Variants in EFEMP1 observed in about 807,000 individuals in gnomAD.
The protein encoded by EFEMP1 is EGF-like fibulin extracellular matrix protein 1.
A neutral mutation model predicts 65.7 loss-of-function variants in EFEMP1; 18 were observed. That is an observed-to-expected ratio of 0.27 (90% CI 0.19 to 0.41). The LOEUF (loss-of-function observed/expected upper bound fraction) is 0.41. EFEMP1 is among the 10% of genes least tolerant of loss of function. The pLI is 1.00. For missense variants in EFEMP1, 469 were observed against 624.8 expected, an observed-to-expected ratio of 0.75 and a Z score of 2.66; for synonymous variants, 237 against 219.7, an observed-to-expected ratio of 1.08 and a Z score of -0.70.
intron 5 of EFEMP1, among the ~76,000 whole-genome samples, chr2:55,910,712 C>T (rs962848213): frequency 1.3e-5 from 2 of 152,160 alleles, no homozygotes; most frequent in Admixed American, 6.6e-5. Flanking sequence ...AAAGAATCTC[C>T]TCGTCTTTGA....
At chr2:55,906,411 A>T (rs1321526710) in intron 5 of EFEMP1, among the ~76,000 whole-genome samples, 1 of 151,992 alleles carries the variant, frequency 6.6e-6, no homozygotes, top group Non-Finnish European at 1.5e-5. Flanking sequence ...TTTAGTAGGG[A>T]CGGGGTTTCA....
chr2:55,898,615 G>GTGTAAA (rs1669920199), intron 5 of EFEMP1, among the ~76,000 whole-genome samples: 1 of 152,078 alleles, frequency 6.6e-6, no homozygotes, highest in African/African-American at 2.4e-5. Flanking sequence ...TTAACCATAT[G>GTGTAAA]TGTAAATGTA....
chr2:55,871,016 T>C lies in EFEMP1; in HGVS notation c.1108A>G (p.Ile370Val), dbSNP rs772284064. The C allele has an allele frequency of 2.5e-6, 4 of 1,613,744 alleles. No homozygotes were observed. Among genetic ancestry groups the C allele is most frequent in the South Asian group, 1.1e-5 (1 of 91,080 alleles). The change falls in exon 10 of 12, where the codon ATT (isoleucine) becomes GTT (valine). Residue 370 changes from isoleucine to valine, a missense_variant. Physicochemically the swap from Ile to Val is conservative, Grantham distance 29. This residue lies in a region of EFEMP1 where 399 missense variants were observed against 528.2 expected (regional missense o/e 0.76). Transcript: ENST00000355426. The surrounding 1 kb of genome is among the most constrained non-coding windows in gnomAD (Gnocchi z 4.2). The stretch of plus-strand genomic sequence containing the variant: ...TTTTCTTACTTCTCTGGTGTTAGAA[T>C]GTAGGGATCTTGACAAGGATTTCGT... ...YPRNPCQDPY[I>V]LTPENRCVCP...
chr2:55,882,266 T>G (rs1042466956), intron 5 of EFEMP1, among the ~76,000 whole-genome samples: 2 of 152,232 alleles, frequency 1.3e-5, no homozygotes, highest in African/African-American at 2.4e-5. Flanking sequence ...ACCTTTAATA[T>G]TATACGTTCC....
At chr2:55,908,565 T>C (rs942628563) in intron 5 of EFEMP1, among the ~76,000 whole-genome samples, 1 of 152,128 alleles carries the variant, frequency 6.6e-6, no homozygotes, top group African/African-American at 2.4e-5. Context: ...ATTTCAAAAC[T>C]GCTAAGCAAG....
Position 55,873,040 on chromosome 2 carries a change from A to G in EFEMP1, c.1000+1906T>C, listed in dbSNP as rs1668876144. 1.4e-5 allele frequency among the ~76,000 whole-genome samples: 2 copies of G among 144,404 alleles called. No homozygotes were observed. The highest frequency in any genetic ancestry group is 5.2e-5 in the African/African-American group (2 of 38,484). 94.7% of individuals were successfully genotyped at this position (144,404 alleles called of 152,430 possible). A position where few individuals can be genotyped will look rare whatever the true frequency, so the allele number is the denominator to read the frequency against. On this transcript the variant is annotated intron_variant, in intron 9 of 11. Transcript: ENST00000355426. This position sits in a 1 kb window ranked among gnomAD's most constrained non-coding sequence, Gnocchi z 4.6. The stretch of plus-strand genomic sequence containing the variant: ...TGAGTGTGTGTCTATGTGTATGTGT[A>G]TTCTTTTGTCTCTCTGTCTCTCTCT...
chr2:55,890,857 C>T (rs1456005147), intron 5 of EFEMP1, among the ~76,000 whole-genome samples: 2 of 152,034 alleles, frequency 1.3e-5, no homozygotes, highest in Admixed American at 1.3e-4. Flanking sequence ...TCTTTGTACT[C>T]AATTTACAAG....
At chr2:55,887,147 A>T (rs1204669601) in intron 5 of EFEMP1, among the ~76,000 whole-genome samples, 1 of 151,986 alleles carries the variant, frequency 6.6e-6, no homozygotes, top group African/African-American at 2.4e-5. Flanking sequence ...ACAGATGAAG[A>T]AAAAAAAGGA....
rs886056191 is a variant in EFEMP1 at position 55,874,936 on chromosome 2, AT to A, written c.1000+9del. The A allele has an allele frequency of 1.9e-6, 3 of 1,590,512 alleles. No homozygotes were observed. The highest frequency in any genetic ancestry group is 1.4e-5 in the African/African-American group (1 of 73,004). On this transcript the variant is annotated intron_variant, in intron 9 of 11. Coordinates refer to ENST00000355426, the MANE Select transcript of EFEMP1 (RefSeq NM_001039348.3). ...AAATACCTAACATATGAAAAAAAAA[AT>A]AAACTTACCTTGACATGTTCTACTT...
rs10167115 is a variant in EFEMP1, at chr2:55,923,714, T to C, written c.-52A>G. On this transcript the variant is annotated 5_prime_UTR_variant, in exon 1 of 12. Coordinates refer to ENST00000355426, the MANE Select transcript of EFEMP1 (RefSeq NM_001039348.3). The surrounding 1 kb of genome is among the most constrained non-coding windows in gnomAD (Gnocchi z 5.3). ...ACCCCCCGTTGGGGGCTCCTACCTG[T>C]GCGGCCGCGCTGCGCTCCGGGCCCG... The C allele has an allele frequency of 0.035, 34,674 of 985,644 alleles. 1,136 individuals are homozygous for C. The highest frequency in any genetic ancestry group is 0.16 in the African/African-American group (8,990 of 57,276). 61.1% of individuals were successfully genotyped at this position (985,644 alleles called of 1,614,324 possible).
rs1313584958 is a variant in EFEMP1, at chr2:55,877,055, T to C, written c.761-313A>G. Among the ~76,000 whole-genome samples, 5 of 152,190 alleles carry C rather than the reference T, an allele frequency of 3.3e-5. No homozygotes were observed. Among genetic ancestry groups the C allele is most frequent in the African/African-American group, 2.4e-5 (1 of 41,466 alleles). Reference sequence around the variant, plus strand: ...AGGAATTTAATGCTTCTAATAAATATACACTCCGGTATCGATTTTCTTTTG... The same window carrying C: ...AGGAATTTAATGCTTCTAATAAATACACACTCCGGTATCGATTTTCTTTTG... On this transcript the variant is annotated intron_variant, in intron 7 of 11. Transcript: ENST00000355426. The surrounding 1 kb of genome is among the most constrained non-coding windows in gnomAD (Gnocchi z 4.5).
intron 5 of EFEMP1, among the ~76,000 whole-genome samples, chr2:55,888,014 G>A (rs929353785): frequency 6.6e-6 from 1 of 152,168 alleles, no homozygotes; most frequent in African/African-American, 2.4e-5. Flanking sequence ...GATTGGATGA[G>A]GTTAGGCATA....
chr2:55,914,170 G>T (rs528091692), intron 5 of EFEMP1, among the ~76,000 whole-genome samples: 3 of 151,996 alleles, frequency 2.0e-5, no homozygotes, highest in African/African-American at 7.3e-5. Context: ...AATTAATTTC[G>T]AAAACTCTAT....
In EFEMP1 at chr2:55,866,785, A is replaced by G. The variant is rs1466955284; in HGVS notation, c.*288T>C. Reference sequence around the variant, plus strand: ...CAGAAGATCATCATTGCTTGGTCCCACTTTTATAGGAAAGAATCCAAGTTT... The same window carrying G: ...CAGAAGATCATCATTGCTTGGTCCCGCTTTTATAGGAAAGAATCCAAGTTT... On this transcript the variant is annotated 3_prime_UTR_variant, in exon 12 of 12. Transcript: ENST00000355426. 4 of 357,468 alleles carry G rather than the reference A, an allele frequency of 1.1e-5. No homozygotes were observed. Among genetic ancestry groups the G allele is most frequent in the African/African-American group, 8.4e-5 (4 of 47,840 alleles). 22.1% of individuals were successfully genotyped at this position (357,468 alleles called of 1,614,324 possible).
Position 55,922,311 on chromosome 2 carries a change from C to T in EFEMP1, c.81+49G>A, listed in dbSNP as rs1670931103. 2 of 1,585,062 alleles carry T rather than the reference C, an allele frequency of 1.3e-6. No homozygotes were observed. On this transcript the variant is annotated intron_variant, in intron 3 of 11. Transcript: ENST00000355426. This position sits in a 1 kb window ranked among gnomAD's most constrained non-coding sequence, Gnocchi z 5.5. ...AGGGGTGTGTAAAGTCTTTTTTTGT[C>T]ACAGAATCCCGCTGAACCGTACTTA...
chr2:55,916,107 A>ATG (rs1553357621), intron 5 of EFEMP1, among the ~76,000 whole-genome samples: 2 of 129,446 alleles, frequency 1.5e-5, no homozygotes, highest in African/African-American at 5.9e-5. Context: ...AGTTTCCTTC[A>ATG]TTTTTTTTTT....
chr2:55,904,069 A>C (rs1479725948), intron 5 of EFEMP1, among the ~76,000 whole-genome samples: 1 of 152,014 alleles, frequency 6.6e-6, no homozygotes, highest in Non-Finnish European at 1.5e-5. Flanking sequence ...CTTTTTCTCC[A>C]CAAATGTATG....
chr2:55,877,980 C>A lies in EFEMP1; in HGVS notation c.641-115G>T. ...ATCTCTTTTTAAAAGTAATAATTTC[C>A]TATTTTGTTAAAATTAGGGTATATG... On this transcript the variant is annotated intron_variant, in intron 6 of 11. Transcript: ENST00000355426. This position sits in a 1 kb window ranked among gnomAD's most constrained non-coding sequence, Gnocchi z 4.5. 7.5e-7 allele frequency: 1 copy of A among 1,336,290 alleles called. No homozygotes were observed. Among genetic ancestry groups the A allele is most frequent in the Non-Finnish European group, 1.0e-6 (1 of 970,016 alleles). The allele number at this position is 1,336,290 out of a possible 1,614,324, so 82.8% of individuals were successfully genotyped here. A position where few individuals can be genotyped will look rare whatever the true frequency, so the allele number is the denominator to read the frequency against.
chr2:55,885,801 T>C lies in EFEMP1; in HGVS notation c.518-4067A>G, dbSNP rs1441956285. Among the ~76,000 whole-genome samples, 2 of 152,152 alleles carry C rather than the reference T, an allele frequency of 1.3e-5. No individual in the cohort carries two copies. The highest frequency in any genetic ancestry group is 2.4e-5 in the African/African-American group (1 of 41,426). The stretch of plus-strand genomic sequence containing the variant: ...GTTAATGGAGACAACTTTGTCCACA[T>C]CTCTGTGGTGTCCATTAAGTCCCTG... On this transcript the variant is annotated intron_variant, in intron 5 of 11. Transcript: ENST00000355426. The surrounding 1 kb of genome is among the most constrained non-coding windows in gnomAD (Gnocchi z 4.3).
Sources: allele counts gnomAD v4.1 joint callset (sites outside exome capture counted in the v4.1 genomes callset), GRCh38; gene constraint gnomAD v4.1.1; regional missense constraint gnomAD v4.1.1; non-coding constraint Gnocchi (gnomAD v3.1); transcripts MANE v1.5; gene names NCBI Gene and HGNC (gene_info 2026-07-23, HGNC 2026-07-21).